The following NELL1 variants were observed in gnomAD, a reference collection of about 807,000 sequenced individuals.
NELL1 encodes the protein neural EGFL like 1.
In NELL1, 76 loss-of-function variants were observed where a neutral mutation model predicts 107.4. The ratio of observed to expected loss-of-function variants is 0.71; its 90% CI spans 0.59 to 0.86. The LOEUF is 0.86. NELL1 is among the 40% of genes least tolerant of loss of function. The pLI is 0.00. For missense variants in NELL1, 1,024 were observed against 1,005.5 expected, an observed-to-expected ratio of 1.02 and a Z score of -0.25; for synonymous variants, 353 against 341.2, an observed-to-expected ratio of 1.03 and a Z score of -0.38.
Position 21,080,541 on chromosome 11 carries a change from A to G in NELL1, c.1301-33048A>G, listed in dbSNP as rs150944347. On this transcript the variant is annotated intron_variant, in intron 12 of 19. Transcript: ENST00000357134. ...TTATATCTTTCTATGCCTATATTGT[A>G]TTCTTAGTGTGGCTGTGGCATGATT... is the stretch of plus-strand genomic sequence containing the variant. Among the ~76,000 whole-genome samples the G allele has an allele frequency of 2.8e-3, 423 of 152,120 alleles. 2 individuals are homozygous for G. The highest frequency in any genetic ancestry group is 9.6e-3 in the African/African-American group (398 of 41,532).
intron 14 of NELL1, among the ~76,000 whole-genome samples, chr11:21,281,992 C>G (rs2133948388): frequency 6.6e-6 from 1 of 152,182 alleles, no homozygotes; most frequent in African/African-American, 2.4e-5. Flanking sequence ...CAAAAGTGGG[C>G]AAATGGGATC....
intron 13 of NELL1, among the ~76,000 whole-genome samples, chr11:21,220,131 G>A (rs1190000453): frequency 6.6e-6 from 1 of 152,158 alleles, no homozygotes; most frequent in African/African-American, 2.4e-5. Context: ...TTCGACATGA[G>A]GTTTGGGCAG....
intron 12 of NELL1, among the ~76,000 whole-genome samples, chr11:21,088,646 T>C (rs1022289173): frequency 6.6e-6 from 1 of 152,214 alleles, no homozygotes; most frequent in African/African-American, 2.4e-5. Flanking sequence ...AAGTGACTTT[T>C]TTTTAGCTGC....
chr11:20,813,639 CCTTAGCTA>C (rs1857554500), intron 3 of NELL1, among the ~76,000 whole-genome samples: 1 of 152,102 alleles, frequency 6.6e-6, no homozygotes, highest in African/African-American at 2.4e-5. Flanking sequence ...TGGGAATGCT[CCTTAGCTA>C]TTTCCAGCAT....
At chr11:21,069,578 A>G (rs1038565859) in intron 12 of NELL1, among the ~76,000 whole-genome samples, 2 of 152,348 alleles carry the variant, frequency 1.3e-5, no homozygotes, top group East Asian at 3.9e-4. Context: ...CCTTTTGTGA[A>G]GCTGTTTGAC....
intron 1 of NELL1, among the ~76,000 whole-genome samples, chr11:20,672,940 C>G (rs1009814828): frequency 1.2e-4 from 17 of 139,178 alleles, no homozygotes; most frequent in Non-Finnish European, 2.3e-4. Flanking sequence ...CAACCTCTGC[C>G]TCCTGGGTTT....
At chr11:21,512,612 C>T (rs1379670141) in intron 15 of NELL1, among the ~76,000 whole-genome samples, 5 of 152,010 alleles carry the variant, frequency 3.3e-5, no homozygotes, top group Admixed American at 2.0e-4. Context: ...TGAAAACCAA[C>T]GTGTATATTC....
intron 14 of NELL1, among the ~76,000 whole-genome samples, chr11:21,301,454 G>A: frequency 6.6e-6 from 1 of 151,052 alleles, no homozygotes; most frequent in East Asian, 1.9e-4. Context: ...GCATGCAATG[G>A]TATCTCATTG....
chr11:21,395,710 G>A (rs1040670807), intron 15 of NELL1, among the ~76,000 whole-genome samples: 2 of 151,366 alleles, frequency 1.3e-5, no homozygotes, highest in African/African-American at 4.8e-5. Flanking sequence ...GCCACAGAGT[G>A]TAGAACCTTG....
intron 13 of NELL1, among the ~76,000 whole-genome samples, chr11:21,228,125 C>G (rs530980523): frequency 2.2e-4 from 34 of 152,086 alleles, no homozygotes; most frequent in Admixed American, 8.5e-4. Context: ...GATTTTTCTT[C>G]TTAAAATTTG....
chr11:20,899,853 A>T (rs1849833672), intron 5 of NELL1, among the ~76,000 whole-genome samples: 1 of 151,932 alleles, frequency 6.6e-6, no homozygotes. Flanking sequence ...ATTAGAGAAA[A>T]ATGGACAGTT....
At chr11:21,095,732 T>C (rs1380776782) in intron 12 of NELL1, among the ~76,000 whole-genome samples, 1 of 152,136 alleles carries the variant, frequency 6.6e-6, no homozygotes, top group East Asian at 1.9e-4. Context: ...TGCCTCAGCC[T>C]CCCAAGTGGC....
At chr11:21,044,579 A>G (rs1403725374) in intron 12 of NELL1, among the ~76,000 whole-genome samples, 1 of 152,132 alleles carries the variant, frequency 6.6e-6, no homozygotes, top group Non-Finnish European at 1.5e-5. Flanking sequence ...GTGAATGGGA[A>G]AGATCCAATA....
intron 14 of NELL1, among the ~76,000 whole-genome samples, chr11:21,236,098 T>C (rs1404229520): frequency 6.6e-6 from 1 of 152,146 alleles, no homozygotes; most frequent in Non-Finnish European, 1.5e-5. Flanking sequence ...CTTGGGATCA[T>C]TTATTATACT....
intron 14 of NELL1, among the ~76,000 whole-genome samples, chr11:21,279,908 T>C (rs1848954392): frequency 1.3e-5 from 2 of 152,088 alleles, no homozygotes; most frequent in Admixed American, 1.3e-4. Flanking sequence ...TATCAAGCCA[T>C]GAAAAGAAAC....
intron 12 of NELL1, among the ~76,000 whole-genome samples, chr11:21,026,853 AT>A (rs1478453217): frequency 6.6e-6 from 1 of 152,186 alleles, no homozygotes; most frequent in Non-Finnish European, 1.5e-5. Flanking sequence ...ACAGCTAAGT[AT>A]GACATAGGTC....
chr11:21,347,720 C>T (rs12271123), intron 14 of NELL1, among the ~76,000 whole-genome samples: 48,910 of 152,016 alleles, frequency 0.32, 8,037 homozygotes, highest in Non-Finnish European at 0.37. Flanking sequence ...TAAAATTAAA[C>T]ACTGAGTCAT....
chr11:20,711,461 T>C lies in NELL1; in HGVS notation c.184+33401T>C, dbSNP rs563653392. On this transcript the variant is annotated intron_variant, in intron 2 of 19. Coordinates refer to ENST00000357134, the MANE Select transcript of NELL1 (RefSeq NM_006157.5). The stretch of plus-strand genomic sequence containing the variant: ...CTTGTATTTTTTTCTCATTGTGTTA[T>C]TGTTTTATAGGTCCTGTGAGATTTA... Among the ~76,000 whole-genome samples the C allele has an allele frequency of 5.8e-4, 88 of 152,280 alleles. 1 individual carries two copies. In the South Asian group the frequency reaches 0.018, roughly 31 times the overall value.
intron 9 of NELL1, among the ~76,000 whole-genome samples, chr11:20,936,102 A>T (rs1850719686): frequency 6.6e-6 from 1 of 152,112 alleles, no homozygotes; most frequent in African/African-American, 2.4e-5. Flanking sequence ...AAGGAAGAAG[A>T]ATTGGGCAGA....
Sources: gnomAD v4.1 joint callset for allele counts (sites outside exome capture counted in the v4.1 genomes callset) on GRCh38, gnomAD v4.1.1 for gene constraint, MANE v1.5 for transcripts, NCBI Gene and HGNC (gene_info 2026-07-23, HGNC 2026-07-21) for gene names.